RAMP3: variants seen among roughly 807,000 people sequenced by gnomAD.
RAMP3 encodes receptor activity-modifying protein 3.
In RAMP3, 14 loss-of-function variants were observed where a neutral mutation model predicts 13.5. The observed-to-expected ratio is 1.04, with a 90% CI of 0.69 to 1.63. RAMP3 has a LOEUF of 1.63. Ranked by LOEUF, RAMP3 falls within the 40% of genes most tolerant of loss-of-function variation. The pLI, the probability that RAMP3 is intolerant of heterozygous loss-of-function variation, is 0.00. For missense variants in RAMP3, 200 were observed against 204.8 expected (o/e 0.98, Z 0.14); for synonymous variants, 106 against 88.3 (o/e 1.20, Z -1.12).
At position 45,182,538 on chromosome 7, in the gene RAMP3, T is replaced by C. The variant is rs78635859; in HGVS notation, c.192-619T>C. ...GGTGGTTTGCTGAGTGCCCTTCCCA[T>C]CTTTGATCTCATGGACAGGGGGACC... is the stretch of plus-strand genomic sequence containing the variant. On this transcript the variant is annotated intron_variant, in intron 2 of 2. Coordinates refer to ENST00000242249, the MANE Select transcript of RAMP3 (RefSeq NM_005856.3). Among the ~76,000 whole-genome samples the C allele has an allele frequency of 9.4e-4, 143 of 152,112 alleles. 1 individual carries two copies. In the East Asian group the frequency reaches 0.017, roughly 18 times the overall value.
Position 45,183,570 on chromosome 7 carries a change from G to A in RAMP3, c.*158G>A, listed in dbSNP as rs966377259. 5.7e-6 allele frequency: 6 copies of A among 1,056,520 alleles called. No individual in the cohort carries two copies. Among genetic ancestry groups the A allele is most frequent in the African/African-American group, 1.6e-5 (1 of 63,104 alleles). 65.4% of individuals were successfully genotyped at this position (1,056,520 alleles called of 1,614,324 possible). ...CCTTCCTGGGCTGACCTGCTCCCTCGAGGCCAGCCTGCTCCCTGGCTGAGG... is the reference window on the plus strand; with the variant it reads ...CCTTCCTGGGCTGACCTGCTCCCTCAAGGCCAGCCTGCTCCCTGGCTGAGG... On this transcript the variant is annotated 3_prime_UTR_variant, in exon 3 of 3. Transcript: ENST00000242249.
chr7:45,171,479 T>TTC (rs1353311392), intron 1 of RAMP3, among the ~76,000 whole-genome samples: 1 of 152,210 alleles, frequency 6.6e-6, no homozygotes, highest in Admixed American at 6.5e-5. Flanking sequence ...CTAATTTTAT[T>TTC]CCATTGTGGT....
At chr7:45,183,106 G>A in intron 2 of RAMP3, 51 bp from the exon 3 acceptor site, 1 of 1,597,934 alleles carries the variant, frequency 6.3e-7, no homozygotes, top group Non-Finnish European at 8.5e-7. Context: ...GTCAGGGCAG[G>A]TGTGAGGGGG....
At chr7:45,166,958 C>CT (rs202162694) in intron 1 of RAMP3, among the ~76,000 whole-genome samples, 49,352 of 101,028 alleles carry the variant, frequency 0.49, 14,203 homozygotes, top group Admixed American at 0.64. Flanking sequence ...GTCTTTGATG[C>CT]TTTTTTTTTT....
chr7:45,163,273 G>C, intron 1 of RAMP3: 2 of 985,448 alleles, frequency 2.0e-6, no homozygotes, highest in Non-Finnish European at 1.2e-6. Flanking sequence ...GAGCCCCCAA[G>C]CCTCAGGGCT....
chr7:45,170,182 A>AT (rs201062699), intron 1 of RAMP3, among the ~76,000 whole-genome samples: 9,112 of 131,828 alleles, frequency 0.069, 385 homozygotes, highest in East Asian at 0.13. Context: ...GATTTTGTTG[A>AT]TTTTTTTTCT....
chr7:45,171,007 G>A (rs1215472313), intron 1 of RAMP3, among the ~76,000 whole-genome samples: 1 of 151,666 alleles, frequency 6.6e-6, no homozygotes, highest in Non-Finnish European at 1.5e-5. Flanking sequence ...CTAAGTTTTG[G>A]TATGTTGTGT....
In RAMP3 at chr7:45,163,747, C is replaced by T. The variant is rs1323702332; in HGVS notation, c.58+5861C>T. On this transcript the variant is annotated intron_variant, in intron 1 of 2. Transcript: ENST00000242249. The stretch of plus-strand genomic sequence containing the variant: ...GTGAAGGGCCCTGCTTGGAGTCACA[C>T]AGCAAATCAGGAACTAAACAGGATG... The T allele has an allele frequency of 6.1e-6, 6 of 984,660 alleles. No individual in the cohort carries two copies. The African/African-American group carries it at 8.7e-5, about 14-fold the overall frequency. 61.0% of individuals were successfully genotyped at this position (984,660 alleles called of 1,614,324 possible). A position where few individuals can be genotyped will look rare whatever the true frequency, so the allele number is the denominator to read the frequency against.
At chr7:45,170,881 A>G (rs13238893) in intron 1 of RAMP3, among the ~76,000 whole-genome samples, 39,883 of 151,850 alleles carry the variant, frequency 0.26, 6,364 homozygotes, top group African/African-American at 0.44. Context: ...ACTCCCAGCA[A>G]CAAGCCATCC....
At chr7:45,172,060 G>C (rs780576628) in intron 1 of RAMP3, among the ~76,000 whole-genome samples, 18 of 146,468 alleles carry the variant, frequency 1.2e-4, no homozygotes, top group Non-Finnish European at 2.5e-4. Flanking sequence ...GGGTGGGGTG[G>C]TTGGGGCCCC....
At chr7:45,163,145 C>T in intron 1 of RAMP3, 1 of 984,950 alleles carries the variant, frequency 1.0e-6, no homozygotes, top group Non-Finnish European at 1.2e-6. Context: ...CAGAGGCTCC[C>T]ATGCAATAGG....
Position 45,183,397 on chromosome 7 carries a change from C to A in RAMP3, c.432C>A (p.Thr144=), listed in dbSNP as rs148672031. 6.2e-7 allele frequency: 1 copy of A among 1,612,598 alleles called. No homozygotes were observed. The highest frequency in any genetic ancestry group is 8.5e-7 in the Non-Finnish European group (1 of 1,179,998). ...AGLVVWRSKR[T]DTLL is the part of the protein sequence containing the mutation. ...TGGTGGTGTGGCGCAGCAAACGCAC[C>A]GACACGCTGCTGTGAGGGTCCCGGT... Residue 144 remains threonine (T), a synonymous_variant, in exon 3 of 3, where the codon ACC becomes ACA. Transcript: ENST00000242249.
chr7:45,184,056 T>C lies in RAMP3; in HGVS notation c.*644T>C. On this transcript the variant is annotated 3_prime_UTR_variant, in exon 3 of 3. Transcript: ENST00000242249. Reference sequence around the variant, plus strand: ...GATGCTGTGCCCGCTATGGGCTGTGTCCATGACCAGAGGCTGGAGTGGGGG... The same window carrying C: ...GATGCTGTGCCCGCTATGGGCTGTGCCCATGACCAGAGGCTGGAGTGGGGG... 1 of 402,322 alleles carries C rather than the reference T, an allele frequency of 2.5e-6. No homozygotes were observed. The highest frequency in any genetic ancestry group is 4.4e-6 in the Non-Finnish European group (1 of 228,262). The allele number at this position is 402,322 out of a possible 1,614,324, so 24.9% of individuals were successfully genotyped here.
intron 1 of RAMP3, among the ~76,000 whole-genome samples, chr7:45,169,249 G>T (rs1002830284): frequency 5.3e-5 from 8 of 152,082 alleles, no homozygotes; most frequent in Admixed American, 2.0e-4. Flanking sequence ...TGATGTCTTT[G>T]GTTTTGCTGT....
intron 1 of RAMP3, chr7:45,163,110 A>G: frequency 1.0e-6 from 1 of 964,680 alleles, no homozygotes; most frequent in Non-Finnish European, 1.2e-6. Flanking sequence ...GGTTTTAACA[A>G]ACATGAATTA....
At chr7:45,163,316 C>A (rs1785898627) in intron 1 of RAMP3, 1 of 985,332 alleles carries the variant, frequency 1.0e-6, no homozygotes, top group Non-Finnish European at 1.2e-6. Flanking sequence ...TGGTCCCTAC[C>A]AGCCTTATAG....
intron 1 of RAMP3, among the ~76,000 whole-genome samples, chr7:45,172,034 C>G (rs1294949): frequency 0.062 from 9,474 of 152,210 alleles, 394 homozygotes; most frequent in East Asian, 0.11. Flanking sequence ...GGAGCCTCCA[C>G]CCTACCAGTG....
rs73114026 is a variant in RAMP3 at position 45,161,873 on chromosome 7, G to A, written c.58+3987G>A. On this transcript the variant is annotated intron_variant, in intron 1 of 2. Coordinates refer to ENST00000242249, the MANE Select transcript of RAMP3 (RefSeq NM_005856.3). ...GGCCAGGAGGGACAGGGTGGGGCTA[G>A]CCTGGCTCGTGCCCATTGGGATGGT... 7.4e-3 allele frequency among the ~76,000 whole-genome samples: 1,129 copies of A among 152,254 alleles called. 8 individuals carry two copies. Among genetic ancestry groups the A allele is most frequent in the Middle Eastern group, 0.017 (5 of 294 alleles).
At chr7:45,169,479 C>T (rs1786038563) in intron 1 of RAMP3, among the ~76,000 whole-genome samples, 1 of 151,860 alleles carries the variant, frequency 6.6e-6, no homozygotes, top group Non-Finnish European at 1.5e-5. Context: ...TTTTTGATGT[C>T]TTCTTGAACC....
Sources: allele counts gnomAD v4.1 joint callset (sites outside exome capture counted in the v4.1 genomes callset), GRCh38; gene constraint gnomAD v4.1.1; transcripts MANE v1.5; gene names NCBI Gene and HGNC (gene_info 2026-07-23, HGNC 2026-07-21).